TRIM42: variants seen among roughly 807,000 people sequenced by gnomAD.
TRIM42 encodes the protein tripartite motif containing 42, also known as tripartite motif-containing protein 42.
In TRIM42, 59 loss-of-function variants were observed where a neutral mutation model predicts 64.9. That is an observed-to-expected ratio of 0.91 (90% CI 0.74 to 1.13). The LOEUF is 1.13. Ranked by LOEUF, TRIM42 falls within the 50% of genes most tolerant of loss-of-function variation. The pLI is 0.00. For synonymous variants in TRIM42, 354 were observed against 346.3 expected, an observed-to-expected ratio of 1.02 and a Z score of -0.25; for missense variants, 878 against 929.5, an observed-to-expected ratio of 0.94 and a Z score of 0.72.
chr3:140,688,391 G>A lies in TRIM42; in HGVS notation c.1709G>A (p.Gly570Asp). ...GCCACCCCCGCCAAACCCACAGACG[G>A]CCTCTACACCTACTGGAGTGCTGGA... Reference protein sequence around the residue: ...QSATPAKPTDGLYTYWSAGAD... With the variant: ...QSATPAKPTDDLYTYWSAGAD... Residue 570 changes from glycine (G) to aspartate (D), a missense_variant, in exon 3 of 5, where the codon GGC (glycine) becomes GAC (aspartate). Physicochemically the swap from Gly to Asp is moderately conservative, Grantham distance 94. Transcript: ENST00000286349. The A allele has an allele frequency of 6.2e-7, 1 of 1,614,136 alleles. No homozygotes were observed. The highest frequency in any genetic ancestry group is 8.5e-7 in the Non-Finnish European group (1 of 1,180,014).
chr3:140,686,345 T>A (rs749020236), intron 2 of TRIM42, among the ~76,000 whole-genome samples: 3 of 152,172 alleles, frequency 2.0e-5, no homozygotes, highest in Non-Finnish European at 4.4e-5. Context: ...CTGCATCACC[T>A]CATCTTTTCT....
At chr3:140,697,953 G>T (rs962522411) in intron 4 of TRIM42, among the ~76,000 whole-genome samples, 6 of 152,162 alleles carry the variant, frequency 3.9e-5, no homozygotes, top group Non-Finnish European at 1.5e-5. Context: ...AAAGTGCTGG[G>T]ATTACAGGCA....
intron 2 of TRIM42, among the ~76,000 whole-genome samples, chr3:140,685,469 C>T (rs1055441732): frequency 4.6e-5 from 7 of 152,192 alleles, no homozygotes; most frequent in Admixed American, 3.9e-4. Flanking sequence ...TTGGCATCAC[C>T]TGAGAGCTTG....
chr3:140,679,486 G>A (rs531264727), intron 1 of TRIM42, among the ~76,000 whole-genome samples: 1 of 152,332 alleles, frequency 6.6e-6, no homozygotes, highest in African/African-American at 2.4e-5. Context: ...AGGCCAGTTT[G>A]AAGGCTTTCA....
chr3:140,692,530 T>TACACACACACACACACAC lies in TRIM42; in HGVS notation c.2085+1354_2085+1371dup, dbSNP rs1553763786. On this transcript the variant is annotated intron_variant, in intron 4 of 4. Transcript: ENST00000286349. Reference sequence around the variant, plus strand: ...CCATGGACACACACACACATACACATACACACACACACACACACACACACA... The same window carrying TACACACACACACACACAC: ...CCATGGACACACACACACATACACATACACACACACACACACACACACACACACACACACACACACACA... Among the ~76,000 whole-genome samples, 172 of 108,432 alleles carry TACACACACACACACACAC rather than the reference T, an allele frequency of 1.6e-3. 1 individual carries two copies. Among genetic ancestry groups the TACACACACACACACACAC allele is most frequent in the African/African-American group, 3.1e-3 (96 of 30,966 alleles). The allele number at this position is 108,432 out of a possible 152,430, so 71.1% of individuals were successfully genotyped here. A position where few individuals can be genotyped will look rare whatever the true frequency, so the allele number is the denominator to read the frequency against.
chr3:140,682,674 T>C lies in TRIM42; in HGVS notation c.554T>C (p.Ile185Thr), dbSNP rs770824090. 1.2e-6 allele frequency: 2 copies of C among 1,613,036 alleles called. No individual in the cohort carries two copies. Among genetic ancestry groups the C allele is most frequent in the African/African-American group, 2.7e-5 (2 of 74,920 alleles). The change falls in exon 2 of 5, where the codon ATC becomes ACC. Residue 185 changes from isoleucine (I) to threonine (T), a missense_variant. By Grantham distance (89) the Ile-to-Thr change is moderately conservative. Coordinates refer to ENST00000286349, the MANE Select transcript of TRIM42 (RefSeq NM_152616.5). ...GCCGAGGTCACCGAGAACTTCTTCA[T>C]CCTCATCTGCCCAGTGTGCGACCGC... ...KHAEVTENFF[I>T]LICPVCDRSH...
Position 140,690,975 on chromosome 3 carries a change from G to A in TRIM42, c.1868G>A (p.Trp623Ter). The A allele has an allele frequency of 1.9e-6, 3 of 1,612,808 alleles. No homozygotes were observed. Among genetic ancestry groups the A allele is most frequent in the Non-Finnish European group, 1.7e-6 (2 of 1,178,912 alleles). ...LVYPRAAKVYWTCPAEDVDSF... is the reference protein window; with the variant it reads ...LVYPRAAKVY ...TGTTCATTTCTTCCATAGGTTTACT[G>A]GACATGTCCAGCAGAAGACGTGGAC... The change falls in exon 4 of 5, where the codon TGG becomes TAG. Residue 623 changes from tryptophan (W) to a stop codon, truncating the protein, a stop_gained. Transcript: ENST00000286349. LOFTEE classifies it high-confidence loss of function.
intron 2 of TRIM42, 29 bp downstream of exon 2, chr3:140,683,188 A>G: frequency 6.2e-7 from 1 of 1,608,994 alleles, no homozygotes; most frequent in Non-Finnish European, 8.5e-7. Flanking sequence ...CCTTCAGCCT[A>G]ACTTCTAGTT....
In TRIM42 at chr3:140,678,517, C is replaced by A. The variant is rs2107839280; in HGVS notation, c.288C>A (p.Cys96Ter). The change falls in exon 1 of 5, where the codon TGC (cysteine) becomes TGA (stop). Residue 96 changes from cysteine to a stop codon, truncating the protein, a stop_gained. Transcript: ENST00000286349. LOFTEE classifies it high-confidence loss of function. Reference protein sequence around the residue: ...LNCYYYESRCCRNTIITFHKG... With the variant: ...LNCYYYESRC ...GCTACTACTATGAGAGCCGCTGCTG[C>A]CGCAATACCATCATCACTTTCCACA... The A allele has an allele frequency of 6.2e-7, 1 of 1,614,130 alleles. No homozygotes were observed. The highest frequency in any genetic ancestry group is 8.5e-7 in the Non-Finnish European group (1 of 1,180,030).
At chr3:140,698,581 A>C (rs1308290770) in intron 4 of TRIM42, among the ~76,000 whole-genome samples, 1 of 152,184 alleles carries the variant, frequency 6.6e-6, no homozygotes, top group Non-Finnish European at 1.5e-5. Context: ...CTTTGTATAC[A>C]TATGTCAAAA....
chr3:140,692,109 T>TCTCTCC (rs1444271461), intron 4 of TRIM42, among the ~76,000 whole-genome samples: 5 of 152,124 alleles, frequency 3.3e-5, no homozygotes, highest in Admixed American at 1.3e-4. Flanking sequence ...GTCATCAGTT[T>TCTCTCC]CTCTCCCTCT....
chr3:140,684,730 T>C (rs1988505467), intron 2 of TRIM42, among the ~76,000 whole-genome samples: 1 of 152,198 alleles, frequency 6.6e-6, no homozygotes, highest in African/African-American at 2.4e-5. Flanking sequence ...AGGAACCACA[T>C]TACCAAGAAA....
chr3:140,680,845 C>T (rs1485538900), intron 1 of TRIM42: 2 of 288,970 alleles, frequency 6.9e-6, no homozygotes, highest in African/African-American at 4.5e-5. Context: ...TTGGGAAGCA[C>T]CTGTGACTGT....
rs1247302983 is a variant in TRIM42 at position 140,678,165 on chromosome 3, T to C, written c.-65T>C. 1.4e-6 allele frequency: 2 copies of C among 1,408,704 alleles called. No homozygotes were observed. Among genetic ancestry groups the C allele is most frequent in the East Asian group, 2.3e-5 (1 of 43,656 alleles). The allele number at this position is 1,408,704 out of a possible 1,614,324, so 87.3% of individuals were successfully genotyped here. A position where few individuals can be genotyped will look rare whatever the true frequency, so the allele number is the denominator to read the frequency against. ...AAGGACTCCTCCACTGGAGAACTGA[T>C]AGCAGTATTCTGGTAGAGGAGGCAT... On this transcript the variant is annotated 5_prime_UTR_variant, in exon 1 of 5. Transcript: ENST00000286349.
At chr3:140,696,411 A>G (rs1341464011) in intron 4 of TRIM42, among the ~76,000 whole-genome samples, 1 of 152,184 alleles carries the variant, frequency 6.6e-6, no homozygotes, top group Non-Finnish European at 1.5e-5. Context: ...TTTGTTCACC[A>G]CATGTTACCT....
At chr3:140,697,007 A>G (rs1988869869) in intron 4 of TRIM42, among the ~76,000 whole-genome samples, 2 of 152,208 alleles carry the variant, frequency 1.3e-5, no homozygotes, top group South Asian at 4.1e-4. Flanking sequence ...TAAGGAATAG[A>G]TTAGAGCCAC....
chr3:140,678,531 T>C lies in TRIM42; in HGVS notation c.302T>C (p.Ile101Thr), dbSNP rs1559934033. 6.2e-7 allele frequency: 1 copy of C among 1,614,018 alleles called. No homozygotes were observed. Among genetic ancestry groups the C allele is most frequent in the Admixed American group, 1.7e-5 (1 of 60,020 alleles). The change falls in exon 1 of 5, where the codon ATC (isoleucine) becomes ACC (threonine). Residue 101 changes from isoleucine to threonine, a missense_variant. By Grantham distance (89) the Ile-to-Thr change is moderately conservative. Transcript: ENST00000286349. ...AGCCGCTGCTGCCGCAATACCATCA[T>C]CACTTTCCACAAGGGCCGCCTCAGG... Reference protein sequence around the residue: ...YESRCCRNTIITFHKGRLRSI... With the variant: ...YESRCCRNTITTFHKGRLRSI...
Position 140,682,933 on chromosome 3 carries a change from C to T in TRIM42, c.813C>T (p.Ala271=). Residue 271 remains alanine (A), a synonymous_variant, in exon 2 of 5, where the codon GCC becomes GCT. Coordinates refer to ENST00000286349, the MANE Select transcript of TRIM42 (RefSeq NM_152616.5). ...TCAAGGCCTTCCACTCGGATGTGGC[C>T]ATGCAAGACCACGTCTTTGTGGACA... is the stretch of plus-strand genomic sequence containing the variant. ...DCLKAFHSDV[A]MQDHVFVDTS... is the part of the protein sequence containing the mutation. 6.2e-7 allele frequency: 1 copy of T among 1,614,264 alleles called. No individual in the cohort carries two copies. Among genetic ancestry groups the T allele is most frequent in the Non-Finnish European group, 8.5e-7 (1 of 1,180,056 alleles).
At chr3:140,700,858 G>T in intron 4 of TRIM42, 30 bp from the exon 5 acceptor site, 1 of 1,606,436 alleles carries the variant, frequency 6.2e-7, no homozygotes, top group Non-Finnish European at 8.5e-7. Flanking sequence ...TTGTCTATTG[G>T]GTGTCATGAC....
Sources: gnomAD v4.1 joint callset for allele counts (sites outside exome capture counted in the v4.1 genomes callset) on GRCh38, gnomAD v4.1.1 for gene constraint, MANE v1.5 for transcripts, NCBI Gene and HGNC (gene_info 2026-07-23, HGNC 2026-07-21) for gene names.